Variants in CAMTA1 observed in about 807,000 individuals in gnomAD.
The protein encoded by CAMTA1 is calmodulin-binding transcription activator 1.
Under a neutral mutation model 170.9 loss-of-function variants are expected in CAMTA1, and 27 were observed. The ratio of observed to expected loss-of-function variants is 0.16; its 90% confidence interval spans 0.12 to 0.22. The LOEUF (loss-of-function observed/expected upper bound fraction) is 0.22. CAMTA1 is among the 10% of genes least tolerant of loss of function. The pLI, the probability that CAMTA1 is intolerant of heterozygous loss-of-function variation, is 1.00. For missense variants in CAMTA1, 1,619 were observed against 2,217.2 expected (o/e 0.73, Z 5.42); for synonymous variants, 833 against 891.5 (o/e 0.93, Z 1.17).
At chr1:7,730,978 C>T (rs1180767414) in intron 11 of CAMTA1, among the ~76,000 whole-genome samples, 15 of 150,850 alleles carry the variant, frequency 9.9e-5, no homozygotes, top group East Asian at 3.9e-4. Flanking sequence ...ATGTCATAAG[C>T]GTATATAGAT....
chr1:6,843,553 A>G (rs1203316210), intron 3 of CAMTA1, among the ~76,000 whole-genome samples: 1 of 152,222 alleles, frequency 6.6e-6, no homozygotes, highest in South Asian at 2.1e-4. Flanking sequence ...TTTTATTAGT[A>G]TGAGAGTAAC....
At chr1:7,193,878 A>G (rs531728240) in intron 4 of CAMTA1, among the ~76,000 whole-genome samples, 1 of 152,208 alleles carries the variant, frequency 6.6e-6, no homozygotes, top group Non-Finnish European at 1.5e-5. Context: ...GAGGCTAGCC[A>G]TCAGATTTCC....
At chr1:7,625,244 G>T (rs573357635) in intron 6 of CAMTA1, among the ~76,000 whole-genome samples, 5 of 152,258 alleles carry the variant, frequency 3.3e-5, no homozygotes, top group African/African-American at 1.2e-4. Flanking sequence ...ATGCCAAGGA[G>T]CATGGGGAAG....
intron 11 of CAMTA1, among the ~76,000 whole-genome samples, chr1:7,686,842 G>A (rs1336281821): frequency 1.3e-5 from 2 of 152,086 alleles, no homozygotes. Flanking sequence ...CTGATGATTT[G>A]AATATGAAGA....
chr1:7,740,604 G>A (rs1032104955), intron 16 of CAMTA1, among the ~76,000 whole-genome samples: 1 of 152,168 alleles, frequency 6.6e-6, no homozygotes, highest in Non-Finnish European at 1.5e-5. Flanking sequence ...TCCATACCAC[G>A]CACCGTGGGA....
Position 7,249,542 on chromosome 1 carries a change from G to A in CAMTA1, c.354G>A (p.Arg118=), listed in dbSNP as rs1424418895. Residue 118 remains arginine, a synonymous_variant, in exon 5 of 23, where the codon AGG becomes AGA. Transcript: ENST00000303635. This position sits in a 1 kb window ranked among gnomAD's most constrained non-coding sequence, Gnocchi z 4.4. ...ACAACAGGAAGAAAGTGAAATACAG[G>A]AAAGATGGGTATTGCTGGAAAAAGA... ...ILYNRKKVKY[R]KDGYCWKKRK... is the part of the protein sequence containing the mutation. 1 of 1,614,058 alleles carries A rather than the reference G, an allele frequency of 6.2e-7. No homozygotes were observed. Among genetic ancestry groups the A allele is most frequent in the Non-Finnish European group, 8.5e-7 (1 of 1,179,966 alleles).
In CAMTA1 at chr1:7,463,518, AAG is replaced by A. The variant is rs2093140780; in HGVS notation, c.439-4308_439-4307del. Among the ~76,000 whole-genome samples the A allele has an allele frequency of 6.6e-6, 1 of 151,804 alleles. No homozygotes were observed. Among genetic ancestry groups the A allele is most frequent in the African/African-American group, 2.4e-5 (1 of 41,310 alleles). On this transcript the variant is annotated intron_variant, in intron 5 of 22. Transcript: ENST00000303635. The surrounding 1 kb of genome is among the most constrained non-coding windows in gnomAD (Gnocchi z 4.7). The stretch of plus-strand genomic sequence containing the variant: ...AGAGAGAGAAAGAAAGAGACTGAGA[AAG>A]AGATTGAGAGACAGGGAGAGACAGA...
chr1:7,524,816 C>A (rs2094411339), intron 6 of CAMTA1, among the ~76,000 whole-genome samples: 1 of 152,064 alleles, frequency 6.6e-6, no homozygotes, highest in Admixed American at 6.6e-5. Context: ...TCCACAGCCT[C>A]CCGCTCAGGT....
intron 4 of CAMTA1, among the ~76,000 whole-genome samples, chr1:7,117,354 T>C (rs538587972): frequency 6.6e-6 from 1 of 152,136 alleles, no homozygotes; most frequent in Non-Finnish European, 1.5e-5. Flanking sequence ...CACAGCACGT[T>C]TGGGGATAAA....
Position 7,263,088 on chromosome 1 carries a change from AT to A in CAMTA1, c.438+13472del, listed in dbSNP as rs35549179. Among the ~76,000 whole-genome samples the A allele has an allele frequency of 4.3e-3, 641 of 149,128 alleles. 2 individuals carry two copies. The highest frequency in any genetic ancestry group is 6.7e-3 in the Non-Finnish European group (450 of 67,118). On this transcript the variant is annotated intron_variant, in intron 5 of 22. Transcript: ENST00000303635. Reference sequence around the variant, plus strand: ...AGATGCGACACGGTATTTTGGCCGCATTTTTTTTTTCCCTTTCATAACACCT... The same window carrying A: ...AGATGCGACACGGTATTTTGGCCGCATTTTTTTTTCCCTTTCATAACACCT...
chr1:7,084,888 A>G (rs1447902535), intron 3 of CAMTA1, among the ~76,000 whole-genome samples: 1 of 152,246 alleles, frequency 6.6e-6, no homozygotes, highest in Admixed American at 6.5e-5. Flanking sequence ...AAAATTAGTA[A>G]AATCATACTC....
intron 3 of CAMTA1, among the ~76,000 whole-genome samples, chr1:6,868,326 AAAC>A (rs1667339530): frequency 6.6e-6 from 1 of 150,814 alleles, no homozygotes; most frequent in African/African-American, 2.4e-5. Context: ...TTTAAAAACA[AAAC>A]AAAACAAAAC....
At chr1:6,873,762 C>G (rs906897513) in intron 3 of CAMTA1, among the ~76,000 whole-genome samples, 1 of 152,206 alleles carries the variant, frequency 6.6e-6, no homozygotes, top group African/African-American at 2.4e-5. Flanking sequence ...ACATTTATGG[C>G]TTATTTCCAA....
intron 5 of CAMTA1, among the ~76,000 whole-genome samples, chr1:7,420,702 C>T (rs975675925): frequency 6.6e-6 from 1 of 152,216 alleles, no homozygotes. Flanking sequence ...ATTAGCAATG[C>T]CCTGAGCCAA....
intron 7 of CAMTA1, among the ~76,000 whole-genome samples, chr1:7,650,578 C>T (rs1199028000): frequency 1.3e-5 from 2 of 152,176 alleles, no homozygotes; most frequent in Non-Finnish European, 2.9e-5. Flanking sequence ...GCCCATGCCC[C>T]CTGGCAGAGG....
At position 6,887,679 on chromosome 1, in the gene CAMTA1, G is replaced by A. The variant is rs1403043478; in HGVS notation, c.234+62469G>A. On this transcript the variant is annotated intron_variant, in intron 3 of 22. Coordinates refer to ENST00000303635, the MANE Select transcript of CAMTA1 (RefSeq NM_015215.4). This position sits in a 1 kb window ranked among gnomAD's most constrained non-coding sequence, Gnocchi z 4.1. ...GCTCTCACCACACACTTGTTCATGG[G>A]CGCAGCAAAGAAGAGGGATCCACAG... 2.0e-6 allele frequency: 3 copies of A among 1,535,272 alleles called. No homozygotes were observed. Among genetic ancestry groups the A allele is most frequent in the South Asian group, 1.2e-5 (1 of 84,034 alleles).
At chr1:7,614,458 A>G (rs932371572) in intron 6 of CAMTA1, among the ~76,000 whole-genome samples, 1 of 152,154 alleles carries the variant, frequency 6.6e-6, no homozygotes, top group Non-Finnish European at 1.5e-5. Flanking sequence ...GGAAAATTGA[A>G]ATATTTTGTA....
intron 5 of CAMTA1, among the ~76,000 whole-genome samples, chr1:7,398,441 T>C (rs971543090): frequency 1.3e-5 from 2 of 151,758 alleles, no homozygotes; most frequent in African/African-American, 4.8e-5. Context: ...AATATCATTT[T>C]CCATCTGCAT....
intron 21 of CAMTA1, among the ~76,000 whole-genome samples, 182 bp downstream of exon 21, chr1:7,752,715 G>A (rs1287729215): frequency 6.6e-6 from 1 of 152,184 alleles, no homozygotes. Context: ...CCCTTGGAGT[G>A]CTGGTAACCA....
Sources: gnomAD v4.1 joint callset for allele counts (sites outside exome capture counted in the v4.1 genomes callset) on GRCh38, gnomAD v4.1.1 for gene constraint, Gnocchi (gnomAD v3.1) non-coding constraint, MANE v1.5 for transcripts, NCBI Gene and HGNC (gene_info 2026-07-23, HGNC 2026-07-21) for gene names.